Variants in HUNK observed in about 807,000 individuals in gnomAD.
HUNK encodes the protein hormonally up-regulated neu tumor-associated kinase.
In HUNK, 21 loss-of-function variants were observed where a neutral mutation model predicts 61.0. The observed-to-expected ratio is 0.34, with a 90% confidence interval of 0.24 to 0.50. The LOEUF (loss-of-function observed/expected upper bound fraction) is 0.50, where lower values mean the gene tolerates loss of function less well. HUNK is among the 20% of genes least tolerant of loss of function. The pLI is 0.98. For missense variants in HUNK, 772 were observed against 945.7 expected (o/e 0.82, Z 2.41); for synonymous variants, 371 against 386.1 (o/e 0.96, Z 0.46).
intron 7 of HUNK, among the ~76,000 whole-genome samples, chr21:31,975,913 T>C (rs919635835): frequency 6.6e-6 from 1 of 152,220 alleles, no homozygotes; most frequent in African/African-American, 2.4e-5. Flanking sequence ...CAGATGAAGA[T>C]GCTCCACGGG....
intron 1 of HUNK, among the ~76,000 whole-genome samples, chr21:31,914,728 T>G (rs2052570285): frequency 6.7e-6 from 1 of 150,176 alleles, no homozygotes; most frequent in South Asian, 2.1e-4. Context: ...ATGACCTTTC[T>G]GTGCAGGCTC....
chr21:31,979,215 T>C (rs1478794452), intron 7 of HUNK, among the ~76,000 whole-genome samples: 3 of 151,670 alleles, frequency 2.0e-5, no homozygotes, highest in African/African-American at 7.3e-5. Context: ...GCCTCCTGGA[T>C]TCAAGCAATT....
chr21:31,959,615 A>C (rs1045675349), intron 5 of HUNK, among the ~76,000 whole-genome samples: 3 of 152,230 alleles, frequency 2.0e-5, no homozygotes, highest in African/African-American at 4.8e-5. Flanking sequence ...TTTGGTTCAC[A>C]ATTCAAGTCC....
At chr21:31,962,216 T>C (rs1031560968) in intron 5 of HUNK, among the ~76,000 whole-genome samples, 2 of 152,226 alleles carry the variant, frequency 1.3e-5, no homozygotes, top group African/African-American at 2.4e-5. Flanking sequence ...AGTGCAACCT[T>C]ACCATGTGCG....
chr21:31,927,007 CTTTCTTT>C (rs1176112255), intron 2 of HUNK, among the ~76,000 whole-genome samples: 1 of 150,386 alleles, frequency 6.6e-6, no homozygotes, highest in Non-Finnish European at 1.5e-5. Flanking sequence ...CTCTCTCTCT[CTTTCTTT>C]TTTCTTTCTT....
intron 4 of HUNK, among the ~76,000 whole-genome samples, chr21:31,947,418 A>G (rs1352120577): frequency 6.6e-6 from 1 of 152,014 alleles, no homozygotes; most frequent in East Asian, 1.9e-4. Context: ...CAATGGCGTC[A>G]CTGCCGAGAT....
rs78363790 is a variant in HUNK, at chr21:31,959,967, G to T, written c.874+997G>T. On this transcript the variant is annotated intron_variant, in intron 5 of 10. Transcript: ENST00000270112. ...AAAGGAGGCATTAAGTCCTTGGGAA[G>T]ATGAGTTACAGCTCTGTCATTATAC... Among the ~76,000 whole-genome samples, 179 of 152,348 alleles carry T rather than the reference G, an allele frequency of 1.2e-3. 2 individuals are homozygous for T. In the East Asian group the frequency reaches 0.025, roughly 21 times the overall value.
In HUNK at chr21:31,874,557, C is replaced by G. The variant is rs570922310; in HGVS notation, c.261+622C>G. 6.1e-4 allele frequency among the ~76,000 whole-genome samples: 93 copies of G among 152,172 alleles called. 1 individual carries two copies. In the East Asian group the frequency reaches 9.5e-3, roughly 16 times the overall value. On this transcript the variant is annotated intron_variant, in intron 1 of 10. Transcript: ENST00000270112. ...CCACTTGTCCATCCCTCAACCTGTG[C>G]TCCTCTCTATCCACTCAACCCTCCC...
intron 2 of HUNK, among the ~76,000 whole-genome samples, chr21:31,939,717 G>GTT (rs369967151): frequency 1.1e-3 from 146 of 130,468 alleles, no homozygotes; most frequent in African/African-American, 3.5e-3. Flanking sequence ...CTCATGTGTT[G>GTT]TTTTTTTTTT....
intron 5 of HUNK, among the ~76,000 whole-genome samples, chr21:31,960,522 A>G (rs1263360765): frequency 6.6e-6 from 1 of 152,202 alleles, no homozygotes; most frequent in East Asian, 1.9e-4. Flanking sequence ...TCATGCTGCT[A>G]ATAAAGACAT....
intron 1 of HUNK, among the ~76,000 whole-genome samples, chr21:31,908,379 G>A (rs59094557): frequency 1.4e-4 from 21 of 152,228 alleles, no homozygotes; most frequent in East Asian, 9.7e-4. Flanking sequence ...GCTGAAAGCC[G>A]GGAGGGTGGG....
Position 31,983,575 on chromosome 21 carries a change from T to G in HUNK, c.1223T>G (p.Ile408Arg), listed in dbSNP as rs1050272064. 2.5e-6 allele frequency: 4 copies of G among 1,613,738 alleles called. No individual in the cohort carries two copies. In the African/African-American group the frequency reaches 4.0e-5, roughly 16 times the overall value. Residue 408 changes from isoleucine to arginine, a missense_variant, in exon 8 of 11, where the codon ATA becomes AGA. By Grantham distance (97) the Ile-to-Arg change is moderately conservative (BLOSUM62 -3). This residue lies in a region of HUNK where 413 missense variants were observed against 444.4 expected (regional missense o/e 0.93). Transcript: ENST00000270112. The part of the protein sequence containing the change: ...SLCYKTRLYQ[I>R]EKYRAPKESY... ...TGCTACAAGACCCGGCTCTACCAGA[T>G]AGAAAAGTACAGGGCCCCCAAGGAG... is the stretch of plus-strand genomic sequence containing the variant.
chr21:31,913,432 G>A (rs536905970), intron 1 of HUNK, among the ~76,000 whole-genome samples: 6 of 151,552 alleles, frequency 4.0e-5, no homozygotes, highest in Admixed American at 6.6e-5. Flanking sequence ...GGAAGGGGAG[G>A]GAAATTGTCC....
chr21:31,914,830 G>A (rs540342660), intron 1 of HUNK, among the ~76,000 whole-genome samples: 3 of 152,120 alleles, frequency 2.0e-5, no homozygotes, highest in South Asian at 2.1e-4. Flanking sequence ...CTCATTTAAC[G>A]TTAATAACCT....
intron 1 of HUNK, among the ~76,000 whole-genome samples, chr21:31,876,812 ATTTTTTAAAT>A (rs2052265906): frequency 6.6e-6 from 1 of 152,074 alleles, no homozygotes; most frequent in Non-Finnish European, 1.5e-5. Context: ...CTATCTATTT[ATTTTTTAAAT>A]TTTTTATAAA....
intron 1 of HUNK, among the ~76,000 whole-genome samples, chr21:31,892,148 T>TAAA (rs748197431): frequency 1.0e-3 from 94 of 93,014 alleles, no homozygotes; most frequent in African/African-American, 2.3e-3. Context: ...AGAATTTGGT[T>TAAA]AAAAAAAAAA....
In HUNK at chr21:31,935,905, G is replaced by A. The variant is rs1170288810; in HGVS notation, c.555-4260G>A. On this transcript the variant is annotated intron_variant, in intron 2 of 10. Transcript: ENST00000270112. ...ACAATTTTGGCTCACTGCAACCTCC[G>A]CCTCCCGGGTTCAGGCGAGTAGCTG... Among the ~76,000 whole-genome samples the A allele has an allele frequency of 6.6e-5, 10 of 151,990 alleles. No homozygotes were observed. In the East Asian group the frequency reaches 9.6e-4, roughly 15 times the overall value.
rs2053230259 is a variant in HUNK, at chr21:31,999,318, C to A, written c.*134C>A. 4 of 819,362 alleles carry A rather than the reference C, an allele frequency of 4.9e-6. No individual in the cohort carries two copies. Among genetic ancestry groups the A allele is most frequent in the Non-Finnish European group, 7.6e-6 (4 of 525,948 alleles). The allele number at this position is 819,362 out of a possible 1,614,324, so 50.8% of individuals were successfully genotyped here. A position where few individuals can be genotyped will look rare whatever the true frequency, so the allele number is the denominator to read the frequency against. On this transcript the variant is annotated 3_prime_UTR_variant, in exon 11 of 11. Transcript: ENST00000270112. ...CCCACCTGTAGCTGAATCCACAGACCCAAAGCCTGCACAACCCAACCTCGC... is the reference window on the plus strand; with the variant it reads ...CCCACCTGTAGCTGAATCCACAGACACAAAGCCTGCACAACCCAACCTCGC...
At chr21:31,921,154 CAAAAAAAAAAAA>C (rs751938845) in intron 1 of HUNK, among the ~76,000 whole-genome samples, 130 of 39,400 alleles carry the variant, frequency 3.3e-3, no homozygotes, top group African/African-American at 8.0e-3. Context: ...GATTCCATCT[CAAAAAAAAAAAA>C]AAAAAAAAAA....
Sources: allele counts gnomAD v4.1 joint callset (sites outside exome capture counted in the v4.1 genomes callset), GRCh38; gene constraint gnomAD v4.1.1; regional missense constraint gnomAD v4.1.1; transcripts MANE v1.5; gene names NCBI Gene and HGNC (gene_info 2026-07-23, HGNC 2026-07-21).